Variants in DNAH8 observed in about 807,000 individuals in gnomAD.
DNAH8 encodes the protein axonemal beta dynein heavy chain 8.
DNAH8 carries 382 observed loss-of-function variants against 562.1 expected under a neutral mutation model. That is an observed-to-expected ratio of 0.68 (90% confidence interval 0.63 to 0.74). The LOEUF (loss-of-function observed/expected upper bound fraction) is 0.74. Ranked by LOEUF, DNAH8 falls within the 30% of genes least tolerant of loss-of-function variation. The pLI, the probability that DNAH8 is intolerant of heterozygous loss-of-function variation, is 0.00. For missense variants in DNAH8, 5,203 were observed against 5,620.4 expected (o/e 0.93, Z 2.37); for synonymous variants, 1,881 against 1,919.4 (o/e 0.98, Z 0.52).
chr6:38,753,147 C>T (rs1765610045), intron 9 of DNAH8, among the ~76,000 whole-genome samples: 2 of 151,976 alleles, frequency 1.3e-5, no homozygotes, highest in Non-Finnish European at 2.9e-5. Context: ...ACCCCTGCTA[C>T]TAGTAGCTGG....
chr6:38,841,931 A>C (rs545673161), intron 33 of DNAH8, among the ~76,000 whole-genome samples: 31 of 152,296 alleles, frequency 2.0e-4, no homozygotes, highest in African/African-American at 7.5e-4. Context: ...GCTCAATCTT[A>C]AAGGCAGATC....
intron 9 of DNAH8, among the ~76,000 whole-genome samples, chr6:38,752,224 T>G (rs1259926331): frequency 6.7e-6 from 1 of 149,922 alleles, no homozygotes; most frequent in Non-Finnish European, 1.5e-5. Context: ...AGTGCAGTGG[T>G]GCTATCTCTG....
rs147268495 is a variant in DNAH8, at chr6:39,017,246, ATGGCCC to A, written c.13714+4613_13714+4618del. ...TTGTTTTTCTCGGGTGTCGCAAAGG[ATGGCCC>A]TGGTCTGTTTTTCCCGAAGGTGCGC... is the stretch of plus-strand genomic sequence containing the variant. On this transcript the variant is annotated intron_variant, in intron 91 of 92. Transcript: ENST00000327475. Among the ~76,000 whole-genome samples the A allele has an allele frequency of 8.1e-3, 1,230 of 151,566 alleles. 7 individuals carry two copies. The highest frequency in any genetic ancestry group is 0.012 in the Non-Finnish European group (831 of 67,850).
Position 38,926,112 on chromosome 6 carries a change from A to G in DNAH8, c.11020A>G (p.Ile3674Val). 1 of 1,613,846 alleles carries G rather than the reference A, an allele frequency of 6.2e-7. No homozygotes were observed. Among genetic ancestry groups the G allele is most frequent in the East Asian group, 2.2e-5 (1 of 44,860 alleles). Residue 3674 changes from isoleucine (I) to valine (V), a missense_variant, in exon 74 of 93, where the codon ATT becomes GTT. Physicochemically the swap from Ile to Val is conservative, Grantham distance 29 (BLOSUM62 3). Around this residue, in one of 6 missense-constraint regions of DNAH8, gnomAD observed 1,399 missense variants for 1,518.4 expected, o/e 0.92. Transcript: ENST00000327475. ...AGATGATCTCTCAATTCAGAATGGC[A>G]TTATTGTGACAAAGGCCACCAGATA... is the stretch of plus-strand genomic sequence containing the variant. ...PGDDLSIQNGIIVTKATRYPL... is the reference protein window; with the variant it reads ...PGDDLSIQNGVIVTKATRYPL...
chr6:38,734,119 G>GA (rs111678431), intron 4 of DNAH8, among the ~76,000 whole-genome samples: 39,396 of 151,030 alleles, frequency 0.26, 6,002 homozygotes, highest in Middle Eastern at 0.35. Context: ...CCGTCTCTAA[G>GA]AAAAAATAAA....
chr6:39,006,182 C>A (rs1467751609), intron 88 of DNAH8, among the ~76,000 whole-genome samples: 1 of 152,224 alleles, frequency 6.6e-6, no homozygotes, highest in Non-Finnish European at 1.5e-5. Flanking sequence ...CCAGTGAGAC[C>A]TGTGTCATAT....
intron 6 of DNAH8, among the ~76,000 whole-genome samples, 181 bp downstream of exon 6, chr6:38,737,437 A>G (rs1383075419): frequency 6.6e-6 from 1 of 151,958 alleles, no homozygotes; most frequent in East Asian, 1.9e-4. Flanking sequence ...AGTAAGATAT[A>G]TTTTCTTTTT....
At position 38,937,355 on chromosome 6, in the gene DNAH8, A is replaced by T. The variant is rs111531767; in HGVS notation, c.11564-619A>T. Among the ~76,000 whole-genome samples, 3 of 55,832 alleles carry T rather than the reference A, an allele frequency of 5.4e-5. 1 individual carries two copies. The highest frequency in any genetic ancestry group is 1.0e-4 in the African/African-American group (3 of 29,010). The allele number at this position is 55,832 out of a possible 152,430, so 36.6% of individuals were successfully genotyped here. ...TGTACCCCAGAACTTAAAGTATAAT[A>T]AAAAAAAAAATAATGAAAGGCAAAA... On this transcript the variant is annotated intron_variant, in intron 77 of 92. Coordinates refer to ENST00000327475, the MANE Select transcript of DNAH8 (RefSeq NM_001206927.2).
At chr6:38,940,822 G>T (rs2150600805) in intron 79 of DNAH8, among the ~76,000 whole-genome samples, 1 of 152,244 alleles carries the variant, frequency 6.6e-6, no homozygotes, top group Admixed American at 6.5e-5. Context: ...AAAACAATTA[G>T]AAAAGATAAC....
intron 30 of DNAH8, among the ~76,000 whole-genome samples, chr6:38,829,785 A>G (rs537226677): frequency 6.6e-6 from 1 of 152,364 alleles, no homozygotes; most frequent in Non-Finnish European, 1.5e-5. Context: ...TGCATGTAAC[A>G]TAAAATTTAC....
At chr6:38,715,950 A>ATTTTTT (rs70981580) in intron 1 of DNAH8, among the ~76,000 whole-genome samples, 13 of 31,230 alleles carry the variant, frequency 4.2e-4, no homozygotes, top group African/African-American at 2.2e-3. Flanking sequence ...ATATATATAT[A>ATTTTTT]TATATATATA....
At chr6:38,736,931 TA>T in intron 5 of DNAH8, 135 bp from the exon 6 acceptor site, 1 of 546,076 alleles carries the variant, frequency 1.8e-6, no homozygotes, top group Non-Finnish European at 2.9e-6. Context: ...CTAAGGTTCA[TA>T]ACCACTTAAG....
rs1020102016 is a variant in DNAH8 at position 39,018,756 on chromosome 6, T to C, written c.13714+6119T>C. On this transcript the variant is annotated intron_variant, in intron 91 of 92. Transcript: ENST00000327475. Reference sequence around the variant, plus strand: ...GTGGAAGAGGGAAACCAGGACAGCATGGTGTCATGGAAGGCAAGGAGAAGG... The same window carrying C: ...GTGGAAGAGGGAAACCAGGACAGCACGGTGTCATGGAAGGCAAGGAGAAGG... Among the ~76,000 whole-genome samples, 3 of 152,188 alleles carry C rather than the reference T, an allele frequency of 2.0e-5. No homozygotes were observed. In the South Asian group the frequency reaches 6.2e-4, roughly 32 times the overall value.
Position 38,863,995 on chromosome 6 carries a change from C to G in DNAH8, c.6433C>G (p.Gln2145Glu). The G allele has an allele frequency of 6.2e-7, 1 of 1,611,118 alleles. No individual in the cohort carries two copies. The highest frequency in any genetic ancestry group is 8.5e-7 in the Non-Finnish European group (1 of 1,179,366). The change falls in exon 45 of 93, where the codon CAG becomes GAG. Residue 2145 changes from glutamine to glutamate, a missense_variant. By Grantham distance (29) the Gln-to-Glu change is conservative. Around this residue, in one of 6 missense-constraint regions of DNAH8, gnomAD observed 2,176 missense variants for 2,365.1 expected, o/e 0.92. Coordinates refer to ENST00000327475, the MANE Select transcript of DNAH8 (RefSeq NM_001206927.2). ...VLTARKERKK[Q>E]FIFSDGDCVD... ...GACAGCAAGAAAAGAAAGAAAGAAA[C>G]AGTTCATTTTTTCTGATGGTGATTG... is the stretch of plus-strand genomic sequence containing the variant.
chr6:38,984,510 G>T (rs1342804242), intron 87 of DNAH8: 5 of 548,934 alleles, frequency 9.1e-6, no homozygotes, highest in Non-Finnish European at 1.6e-5. Context: ...ACCAGCAATT[G>T]GGCCAGGCAT....
Position 38,896,168 on chromosome 6 carries a change from A to T in DNAH8, c.8883A>T (p.Glu2961Asp). 1.2e-6 allele frequency: 2 copies of T among 1,614,098 alleles called. No individual in the cohort carries two copies. The highest frequency in any genetic ancestry group is 1.7e-6 in the Non-Finnish European group (2 of 1,179,984). ...YFVDFLREMP[E>D]PTGDEPEDSV... ...TGGATTTTCTTCGTGAGATGCCAGAACCAACTGGTGATGAACCTGAAGACT... is the reference window on the plus strand; with the variant it reads ...TGGATTTTCTTCGTGAGATGCCAGATCCAACTGGTGATGAACCTGAAGACT... Residue 2961 changes from glutamate to aspartate, a missense_variant, in exon 60 of 93, where the codon GAA (glutamate) becomes GAT (aspartate). Physicochemically the swap from Glu to Asp is conservative, Grantham distance 45. This residue lies in a region of DNAH8 where 977 missense variants were observed against 1,061.8 expected (regional missense o/e 0.92). Transcript: ENST00000327475.
chr6:38,859,310 C>T (rs1776428994), intron 42 of DNAH8, among the ~76,000 whole-genome samples: 1 of 152,152 alleles, frequency 6.6e-6, no homozygotes. Context: ...CTGAAAGTAA[C>T]TCAAGATGAT....
intron 88 of DNAH8, among the ~76,000 whole-genome samples, chr6:39,006,998 T>A (rs956790199): frequency 2.6e-5 from 4 of 152,220 alleles, no homozygotes; most frequent in African/African-American, 4.8e-5. Flanking sequence ...AGTTAGTTGA[T>A]GCCCCCAGGG....
intron 77 of DNAH8, among the ~76,000 whole-genome samples, chr6:38,937,364 A>C (rs1783057386): frequency 6.6e-6 from 1 of 152,328 alleles, no homozygotes; most frequent in South Asian, 2.1e-4. Context: ...TAAAAAAAAA[A>C]ATAATGAAAG....
Sources: allele counts gnomAD v4.1 joint callset (sites outside exome capture counted in the v4.1 genomes callset), GRCh38; gene constraint gnomAD v4.1.1; regional missense constraint gnomAD v4.1.1; transcripts MANE v1.5; gene names NCBI Gene and HGNC (gene_info 2026-07-23, HGNC 2026-07-21).